SMAD2: variants seen among roughly 807,000 people sequenced by gnomAD.
SMAD2 encodes MAD homolog 2.
Under a neutral mutation model 64.4 loss-of-function variants are expected in SMAD2, and 8 were observed. The ratio of observed to expected loss-of-function variants is 0.12; its 90% confidence interval spans 0.07 to 0.22. The LOEUF (loss-of-function observed/expected upper bound fraction) is 0.22. Among genes scored for constraint, SMAD2 ranks in the 10% least tolerant of loss-of-function variants. The probability of loss-of-function intolerance (pLI) is 1.00; values close to 1 mark genes in which losing one functional copy is unlikely to be tolerated. For missense variants in SMAD2, 289 were observed against 561.2 expected (o/e 0.51, Z 4.90); for synonymous variants, 203 against 195.8 (o/e 1.04, Z -0.31).
chr18:47,880,462 G>T (rs976400707), intron 2 of SMAD2, among the ~76,000 whole-genome samples: 5 of 152,100 alleles, frequency 3.3e-5, no homozygotes, highest in African/African-American at 7.2e-5. Context: ...TATCTATGTG[G>T]GGCTATCTTA....
chr18:47,830,576 CAAAAAAA>C lies in SMAD2; in HGVS notation c.*11244_*11250del, dbSNP rs5824708. On this transcript the variant is annotated 3_prime_UTR_variant, in exon 11 of 11. Transcript: ENST00000262160. Reference sequence around the variant, plus strand: ...GGGCAACAGAGCAAGACTCTGTCTCCAAAAAAAAAAAAAAAAAATTCGTTTTTCTCAC... The same window carrying C: ...GGGCAACAGAGCAAGACTCTGTCTCCAAAAAAAAAAATTCGTTTTTCTCAC... 8.0e-6 allele frequency: 1 copy of C among 125,452 alleles called. No homozygotes were observed. Among genetic ancestry groups the C allele is most frequent in the African/African-American group, 3.2e-5 (1 of 31,106 alleles). 7.8% of individuals were successfully genotyped at this position (125,452 alleles called of 1,614,324 possible). A position where few individuals can be genotyped will look rare whatever the true frequency, so the allele number is the denominator to read the frequency against.
At chr18:47,865,470 T>A (rs2031487787) in intron 5 of SMAD2, among the ~76,000 whole-genome samples, 1 of 152,166 alleles carries the variant, frequency 6.6e-6, no homozygotes, top group Admixed American at 6.5e-5. Context: ...TGCAAAACCA[T>A]CAGTAACTAC....
chr18:47,835,778 T>A lies in SMAD2; in HGVS notation c.*6049A>T, dbSNP rs1406637280. The A allele has an allele frequency of 5.3e-6, 1 of 189,602 alleles. No individual in the cohort carries two copies. The highest frequency in any genetic ancestry group is 1.1e-5 in the Non-Finnish European group (1 of 90,260). 11.7% of individuals were successfully genotyped at this position (189,602 alleles called of 1,614,324 possible). On this transcript the variant is annotated 3_prime_UTR_variant, in exon 11 of 11. Coordinates refer to ENST00000262160, the MANE Select transcript of SMAD2 (RefSeq NM_005901.6). ...CTAAAACTTCACTTTTGTCCTTAAA[T>A]CAATATATTACGGATTTCATTGTTC...
chr18:47,834,846 A>C lies in SMAD2; in HGVS notation c.*6981T>G, dbSNP rs1230063834. The C allele has an allele frequency of 4.6e-6, 1 of 219,590 alleles. No homozygotes were observed. The highest frequency in any genetic ancestry group is 9.1e-6 in the Non-Finnish European group (1 of 109,470). The allele number at this position is 219,590 out of a possible 1,614,324, so 13.6% of individuals were successfully genotyped here. A position where few individuals can be genotyped will look rare whatever the true frequency, so the allele number is the denominator to read the frequency against. ...GTCTTTTCTTTCTTTTTTAGGTGAAAATATTCTATGCCAACTGTTTTCCAC... is the reference window on the plus strand; with the variant it reads ...GTCTTTTCTTTCTTTTTTAGGTGAACATATTCTATGCCAACTGTTTTCCAC... On this transcript the variant is annotated 3_prime_UTR_variant, in exon 11 of 11. Coordinates refer to ENST00000262160, the MANE Select transcript of SMAD2 (RefSeq NM_005901.6).
At chr18:47,847,852 G>A (rs1461651646) in intron 8 of SMAD2, among the ~76,000 whole-genome samples, 1 of 152,080 alleles carries the variant, frequency 6.6e-6, no homozygotes, top group East Asian at 1.9e-4. Context: ...AGTCATGAGA[G>A]TATGAGAGTA....
At chr18:47,926,878 G>A (rs149001927) in intron 1 of SMAD2, among the ~76,000 whole-genome samples, 35 of 152,174 alleles carry the variant, frequency 2.3e-4, no homozygotes, top group African/African-American at 8.4e-4. Flanking sequence ...TACTTGAATT[G>A]TGATCACTGA....
In SMAD2 at chr18:47,868,377, G is replaced by A. The variant is rs2144373231; in HGVS notation, c.601C>T (p.Pro201Ser). 1 of 1,611,548 alleles carries A rather than the reference G, an allele frequency of 6.2e-7. No homozygotes were observed. The highest frequency in any genetic ancestry group is 8.5e-7 in the Non-Finnish European group (1 of 1,177,960). The change falls in exon 5 of 11, where the codon CCA (proline) becomes TCA (serine). Residue 201 changes from proline to serine, a missense_variant. Around this residue, in one of 6 missense-constraint regions of SMAD2, gnomAD observed 119 missense variants for 156.7 expected, o/e 0.76. Transcript: ENST00000262160. ...PPLDDYTHSIPENTNFPAGIE... is the reference protein window; with the variant it reads ...PPLDDYTHSISENTNFPAGIE... ...CCTGCTGGGAAGTTAGTGTTTTCTG[G>A]AATGGAGTGAGTATAGTCATCCAGA... is the stretch of plus-strand genomic sequence containing the variant.
intron 6 of SMAD2, among the ~76,000 whole-genome samples, chr18:47,854,324 A>C (rs911091533): frequency 5.3e-5 from 8 of 152,220 alleles, no homozygotes; most frequent in Admixed American, 1.3e-4. Context: ...ACATTCGTCA[A>C]ACCTTTGACA....
chr18:47,901,396 T>C (rs1171274906), intron 1 of SMAD2, among the ~76,000 whole-genome samples: 1 of 152,226 alleles, frequency 6.6e-6, no homozygotes, highest in Admixed American at 6.5e-5. Context: ...TAGGTACTTA[T>C]ATTTAGGTAA....
chr18:47,915,440 A>T (rs2034295015), intron 1 of SMAD2, among the ~76,000 whole-genome samples: 1 of 152,056 alleles, frequency 6.6e-6, no homozygotes, highest in South Asian at 2.1e-4. Flanking sequence ...CTGTCCATTC[A>T]CTCTGGATGA....
chr18:47,866,511 A>T (rs2031572503), intron 5 of SMAD2, among the ~76,000 whole-genome samples: 1 of 151,806 alleles, frequency 6.6e-6, no homozygotes, highest in African/African-American at 2.4e-5. Flanking sequence ...CTCAAAGAAC[A>T]TAAAAATAAG....
chr18:47,887,894 C>G (rs1347432282), intron 2 of SMAD2, among the ~76,000 whole-genome samples: 1 of 152,176 alleles, frequency 6.6e-6, no homozygotes, highest in Non-Finnish European at 1.5e-5. Context: ...CGCCAAAAAT[C>G]TTTTCACTAT....
rs982563181 is a variant in SMAD2, at chr18:47,837,184, A to T, written c.*4643T>A. The T allele has an allele frequency of 1.0e-5, 2 of 200,994 alleles. No homozygotes were observed. The highest frequency in any genetic ancestry group is 2.1e-5 in the Non-Finnish European group (2 of 97,540). The allele number at this position is 200,994 out of a possible 1,614,324, so 12.5% of individuals were successfully genotyped here. A position where few individuals can be genotyped will look rare whatever the true frequency, so the allele number is the denominator to read the frequency against. Reference sequence around the variant, plus strand: ...ATTTGAATAGCAACCTTCATGATGAAGAAATTAGGACTCTAGGTATGAAAA... The same window carrying T: ...ATTTGAATAGCAACCTTCATGATGATGAAATTAGGACTCTAGGTATGAAAA... On this transcript the variant is annotated 3_prime_UTR_variant, in exon 11 of 11. Coordinates refer to ENST00000262160, the MANE Select transcript of SMAD2 (RefSeq NM_005901.6).
rs566813544 is a variant in SMAD2 at position 47,912,858 on chromosome 18, CAAAAAAA to C, written c.-53-16056_-53-16050del. ...AAAAATGAAACTTCTGTATAAACAG[CAAAAAAA>C]AAAAAAAAAAAAAAAGGGATTTCCA... On this transcript the variant is annotated intron_variant, in intron 1 of 10. Coordinates refer to ENST00000262160, the MANE Select transcript of SMAD2 (RefSeq NM_005901.6). Among the ~76,000 whole-genome samples the C allele has an allele frequency of 1.9e-3, 113 of 59,250 alleles. 1 individual carries two copies. The highest frequency in any genetic ancestry group is 3.1e-3 in the African/African-American group (58 of 18,928). The allele number at this position is 59,250 out of a possible 152,430, so 38.9% of individuals were successfully genotyped here.
intron 1 of SMAD2, among the ~76,000 whole-genome samples, chr18:47,926,306 T>TA (rs897730120): frequency 2.0e-5 from 3 of 152,230 alleles, no homozygotes; most frequent in African/African-American, 7.2e-5. Flanking sequence ...ATTGCACTCT[T>TA]AAAAAGATTT....
At chr18:47,872,516 G>A (rs1343441113) in intron 2 of SMAD2, among the ~76,000 whole-genome samples, 3 of 152,128 alleles carry the variant, frequency 2.0e-5, no homozygotes, top group African/African-American at 4.8e-5. Context: ...ATAATATAGA[G>A]ATGACTTAAA....
intron 6 of SMAD2, among the ~76,000 whole-genome samples, chr18:47,855,195 A>C (rs1478623052): frequency 2.6e-5 from 4 of 152,212 alleles, no homozygotes; most frequent in Non-Finnish European, 4.4e-5. Context: ...TAACGAAATG[A>C]CATTATTACT....
chr18:47,890,979 A>G (rs955596969), intron 2 of SMAD2, among the ~76,000 whole-genome samples: 10 of 152,316 alleles, frequency 6.6e-5, no homozygotes, highest in Admixed American at 6.5e-4. Context: ...GACAGTCTGC[A>G]TAAAGTTACT....
In SMAD2 at chr18:47,818,542, C is replaced by A. The variant is rs1912450891; in HGVS notation, c.*23285G>T. ...AAAGGCTAAAAGAACAAAACAAAAACCCCTCATCCACAACTGCTAAAATGC... is the reference window on the plus strand; with the variant it reads ...AAAGGCTAAAAGAACAAAACAAAAAACCCTCATCCACAACTGCTAAAATGC... On this transcript the variant is annotated 3_prime_UTR_variant, in exon 11 of 11. Coordinates refer to ENST00000262160, the MANE Select transcript of SMAD2 (RefSeq NM_005901.6). 1 of 152,178 alleles carries A rather than the reference C, an allele frequency of 6.6e-6. No individual in the cohort carries two copies. The highest frequency in any genetic ancestry group is 2.4e-5 in the African/African-American group (1 of 41,436). 9.4% of individuals were successfully genotyped at this position (152,178 alleles called of 1,614,324 possible). A position where few individuals can be genotyped will look rare whatever the true frequency, so the allele number is the denominator to read the frequency against.
Sources: gnomAD v4.1 joint callset for allele counts (sites outside exome capture counted in the v4.1 genomes callset) on GRCh38, gnomAD v4.1.1 for gene constraint, gnomAD v4.1.1 regional missense constraint, MANE v1.5 for transcripts, NCBI Gene and HGNC (gene_info 2026-07-23, HGNC 2026-07-21) for gene names.